Variants in MAPT observed in about 807,000 individuals in gnomAD.
MAPT encodes the protein microtubule associated protein tau.
A neutral mutation model predicts 67.9 loss-of-function variants in MAPT; 34 were observed. The ratio of observed to expected loss-of-function variants is 0.50; its 90% CI spans 0.38 to 0.67. The LOEUF (loss-of-function observed/expected upper bound fraction) is 0.67, where lower values mean the gene tolerates loss of function less well. MAPT is among the 30% of genes least tolerant of loss of function. The probability of loss-of-function intolerance (pLI) is 0.00; values close to 1 mark genes in which losing one functional copy is unlikely to be tolerated. For missense variants in MAPT, 881 were observed against 1,115.2 expected (o/e 0.79, Z 2.99); for synonymous variants, 456 against 464.5 (o/e 0.98, Z 0.23).
In MAPT at chr17:45,990,132, G is replaced by C. The variant is rs541484737; in HGVS notation, c.1605+57G>C. 5.8e-5 allele frequency: 89 copies of C among 1,531,706 alleles called. No homozygotes were observed. The African/African-American group carries it at 1.1e-3, about 19-fold the overall frequency. The allele number at this position is 1,531,706 out of a possible 1,614,324, so 94.9% of individuals were successfully genotyped here. On this transcript the variant is annotated intron_variant, in intron 7 of 12. Coordinates refer to ENST00000262410, the MANE Select transcript of MAPT (RefSeq NM_001377265.1). ...TGCTCTGCTGTGGTTTGCAAATGTG[G>C]GGTTTGTTTATTTGTTTTTTAGCCT... is the stretch of plus-strand genomic sequence containing the variant.
At position 45,983,134 on chromosome 17, in the gene MAPT, T is replaced by A. The variant is rs780053339; in HGVS notation, c.555T>A (p.Gly185=). The change falls in exon 5 of 13, where the codon GGT becomes GGA. Residue 185 remains glycine, a synonymous_variant. Coordinates refer to ENST00000262410, the MANE Select transcript of MAPT (RefSeq NM_001377265.1). ...GQKGGDWAEK[G]PAFPKPATTA... is the part of the protein sequence containing the mutation. ...AAGGCGGGGACTGGGCCGAGAAGGGTCCGGCCTTTCCGAAGCCCGCCACCA... is the reference window on the plus strand; with the variant it reads ...AAGGCGGGGACTGGGCCGAGAAGGGACCGGCCTTTCCGAAGCCCGCCACCA... The A allele has an allele frequency of 6.3e-7, 1 of 1,583,018 alleles. No homozygotes were observed. The highest frequency in any genetic ancestry group is 1.1e-5 in the South Asian group (1 of 87,192).
chr17:45,940,463 C>T (rs2144877683), intron 1 of MAPT, among the ~76,000 whole-genome samples: 1 of 152,310 alleles, frequency 6.6e-6, no homozygotes, highest in African/African-American at 2.4e-5. Flanking sequence ...GTTGAATTAT[C>T]CCAAGTGGCT....
chr17:45,983,550 C>G lies in MAPT; in HGVS notation c.971C>G (p.Ala324Gly). ...CAAGATGGGCGGCCTCCCCAGACAG[C>G]CGCCAGAGAAGCCACCAGCATCCCA... ...PAQDGRPPQT[A>G]AREATSIPGF... The change falls in exon 5 of 13, where the codon GCC (alanine) becomes GGC (glycine). Residue 324 changes from alanine (A) to glycine (G), a missense_variant. By Grantham distance (60) the Ala-to-Gly change is moderately conservative. Coordinates refer to ENST00000262410, the MANE Select transcript of MAPT (RefSeq NM_001377265.1). 3 of 1,613,034 alleles carry G rather than the reference C, an allele frequency of 1.9e-6. No homozygotes were observed. The highest frequency in any genetic ancestry group is 2.5e-6 in the Non-Finnish European group (3 of 1,179,956).
At position 45,924,641 on chromosome 17, in the gene MAPT, G is replaced by A. The variant is rs910879750; in HGVS notation, c.-18+29955G>A. Among the ~76,000 whole-genome samples, 7 of 152,290 alleles carry A rather than the reference G, an allele frequency of 4.6e-5. No homozygotes were observed. The South Asian group carries it at 1.5e-3, about 32-fold the overall frequency. On this transcript the variant is annotated intron_variant, in intron 1 of 12. Transcript: ENST00000262410. The stretch of plus-strand genomic sequence containing the variant: ...ATTTCCATCACATGCGTACACCCAT[G>A]TGTGTCCATAGCCGCCCATCTCAGT...
chr17:45,904,690 T>G (rs917170252), intron 1 of MAPT, among the ~76,000 whole-genome samples: 1 of 143,594 alleles, frequency 7.0e-6, no homozygotes, highest in African/African-American at 2.5e-5. Context: ...AGGCCCTGTC[T>G]CTAAACTTTT....
At chr17:46,004,463 G>A (rs1343336862) in intron 9 of MAPT, among the ~76,000 whole-genome samples, 1 of 152,210 alleles carries the variant, frequency 6.6e-6, no homozygotes, top group Admixed American at 6.5e-5. Context: ...AAAATTGGGA[G>A]CTTGCAACAC....
intron 1 of MAPT, among the ~76,000 whole-genome samples, chr17:45,930,862 T>C (rs9915741): frequency 1.3e-5 from 2 of 152,194 alleles, no homozygotes; most frequent in South Asian, 2.1e-4. Context: ...CTGCGGGGAC[T>C]ACACGCTGTC....
At chr17:46,018,886 C>T (rs1316481349) in intron 12 of MAPT, among the ~76,000 whole-genome samples, 156 bp downstream of exon 12, 1 of 152,204 alleles carries the variant, frequency 6.6e-6, no homozygotes, top group Admixed American at 6.5e-5. Flanking sequence ...AGTGGGTCTC[C>T]ACTGCCTGTC....
At chr17:45,972,201 G>A in intron 3 of MAPT, 1 of 658,528 alleles carries the variant, frequency 1.5e-6, no homozygotes, top group Non-Finnish European at 2.8e-6. Context: ...GCTCCACAAA[G>A]CCCCGCTCCA....
Position 45,913,462 on chromosome 17 carries a change from CAG to C in MAPT, c.-18+18779_-18+18780del. Among the ~76,000 whole-genome samples the C allele has an allele frequency of 2.0e-5, 3 of 152,302 alleles. No homozygotes were observed. In the South Asian group the frequency reaches 6.2e-4, roughly 32 times the overall value. On this transcript the variant is annotated intron_variant, in intron 1 of 12. Transcript: ENST00000262410. ...AAATCACGTGAAATATCGCCATTAA[CAG>C]AGTGAGCTCAGGTGGTTCTTCAGTG... is the stretch of plus-strand genomic sequence containing the variant.
In MAPT at chr17:46,026,640, A is replaced by T. The variant is rs2076817304; in HGVS notation, c.*2469A>T. 1 of 152,216 alleles carries T rather than the reference A, an allele frequency of 6.6e-6. No individual in the cohort carries two copies. Among genetic ancestry groups the T allele is most frequent in the African/African-American group, 2.4e-5 (1 of 41,426 alleles). The allele number at this position is 152,216 out of a possible 1,614,324, so 9.4% of individuals were successfully genotyped here. A position where few individuals can be genotyped will look rare whatever the true frequency, so the allele number is the denominator to read the frequency against. On this transcript the variant is annotated 3_prime_UTR_variant, in exon 13 of 13. Transcript: ENST00000262410. ...CTCCCACCAAGGGCCCTGCGACCAC[A>T]GCAGGGATTGGGATGAATTGCCTGT...
chr17:45,947,847 GTTTA>G (rs1296017162), intron 1 of MAPT, among the ~76,000 whole-genome samples: 3 of 151,768 alleles, frequency 2.0e-5, no homozygotes, highest in Non-Finnish European at 2.9e-5. Flanking sequence ...AAAAAATACT[GTTTA>G]TTTTTCTTTT....
chr17:46,013,493 G>A (rs1035193067), intron 10 of MAPT, among the ~76,000 whole-genome samples: 8 of 152,224 alleles, frequency 5.3e-5, no homozygotes, highest in African/African-American at 1.2e-4. Context: ...GTCTGCGTCC[G>A]CTCGAGCTTA....
chr17:45,978,624 A>G, intron 4 of MAPT, 184 bp downstream of exon 4: 1 of 593,822 alleles, frequency 1.7e-6, no homozygotes, highest in South Asian at 2.1e-5. Flanking sequence ...GTTTTTTTCT[A>G]ATACCATTTC....
chr17:46,015,475 C>T (rs1027152849), intron 11 of MAPT, among the ~76,000 whole-genome samples: 6 of 151,288 alleles, frequency 4.0e-5, no homozygotes, highest in African/African-American at 9.7e-5. Flanking sequence ...CTGGCTAACA[C>T]GGTGAAACCC....
intron 1 of MAPT, among the ~76,000 whole-genome samples, chr17:45,911,043 T>G (rs1332046152): frequency 2.6e-5 from 4 of 152,222 alleles, no homozygotes; most frequent in Non-Finnish European, 5.9e-5. Flanking sequence ...TTGTTAGAAT[T>G]TAAAGATAAT....
intron 1 of MAPT, among the ~76,000 whole-genome samples, chr17:45,952,534 C>CA (rs2069187840): frequency 6.6e-6 from 1 of 152,152 alleles, no homozygotes; most frequent in South Asian, 2.1e-4. Context: ...CCTGTGATCC[C>CA]AGCACTTTGG....
In MAPT at chr17:46,025,135, A is replaced by G. The variant is rs889929168; in HGVS notation, c.*964A>G. On this transcript the variant is annotated 3_prime_UTR_variant, in exon 13 of 13. Transcript: ENST00000262410. ...TCTGAAGGTTGGAACTGCTGCCATG[A>G]TTTTGGCCACTTTGCAGACCTGGGA... 1 of 152,536 alleles carries G rather than the reference A, an allele frequency of 6.6e-6. No homozygotes were observed. Among genetic ancestry groups the G allele is most frequent in the African/African-American group, 2.4e-5 (1 of 41,424 alleles). 9.4% of individuals were successfully genotyped at this position (152,536 alleles called of 1,614,324 possible). A position where few individuals can be genotyped will look rare whatever the true frequency, so the allele number is the denominator to read the frequency against.
At chr17:45,956,553 T>C (rs998201075) in intron 1 of MAPT, among the ~76,000 whole-genome samples, 1 of 196 alleles carries the variant, frequency 5.1e-3, no homozygotes, top group African/African-American at 7.1e-3. Flanking sequence ...TTCTTTTATA[T>C]ATATATATAT....
Sources: allele counts gnomAD v4.1 joint callset (sites outside exome capture counted in the v4.1 genomes callset), GRCh38; gene constraint gnomAD v4.1.1; transcripts MANE v1.5; gene names NCBI Gene and HGNC (gene_info 2026-07-23, HGNC 2026-07-21).